Variants in USP13 observed in about 807,000 individuals in gnomAD.
USP13 encodes ubiquitin specific peptidase 13.
A neutral mutation model predicts 107.8 loss-of-function variants in USP13; 68 were observed. That is an observed-to-expected ratio of 0.63 (90% CI 0.52 to 0.77). The LOEUF is 0.77. Ranked by LOEUF, USP13 falls within the 30% of genes least tolerant of loss-of-function variation. USP13 has a pLI of 0.00. For missense variants in USP13, 945 were observed against 1,093.3 expected (o/e 0.86, Z 1.91); for synonymous variants, 377 against 389.5 (o/e 0.97, Z 0.38).
intron 12 of USP13, among the ~76,000 whole-genome samples, chr3:179,743,284 G>C (rs1047773311): frequency 2.6e-5 from 4 of 152,078 alleles, no homozygotes; most frequent in African/African-American, 9.7e-5. Flanking sequence ...GAACTTAGAG[G>C]ACAGGTCAGT....
chr3:179,658,817 T>C (rs892158348), intron 1 of USP13, among the ~76,000 whole-genome samples: 1 of 152,214 alleles, frequency 6.6e-6, no homozygotes, highest in Non-Finnish European at 1.5e-5. Flanking sequence ...CAAGTCTGTA[T>C]TTATAGGCAC....
At chr3:179,692,465 T>G (rs1712147193) in intron 3 of USP13, among the ~76,000 whole-genome samples, 1 of 152,228 alleles carries the variant, frequency 6.6e-6, no homozygotes, top group South Asian at 2.1e-4. Context: ...CAATCTTCCT[T>G]ACTTCTCAAC....
Position 179,653,376 on chromosome 3 carries a change from T to G in USP13, c.151T>G (p.Phe51Val). ...GDRVYKNECA[F>V]SYDSPNSEGG... ...CAGGGTCTACAAGAACGAGTGCGCC[T>G]TCTCCTACGACTCTCCCGTAAGTGA... The change falls in exon 1 of 21, where the codon TTC becomes GTC. Residue 51 changes from phenylalanine to valine, a missense_variant. By Grantham distance (50) the Phe-to-Val change is conservative. Coordinates refer to ENST00000263966, the MANE Select transcript of USP13 (RefSeq NM_003940.3). This position sits in a 1 kb window ranked among gnomAD's most constrained non-coding sequence, Gnocchi z 4.0. The G allele has an allele frequency of 6.4e-7, 1 of 1,565,944 alleles. No homozygotes were observed. Among genetic ancestry groups the G allele is most frequent in the Non-Finnish European group, 8.7e-7 (1 of 1,155,414 alleles).
intron 13 of USP13, among the ~76,000 whole-genome samples, chr3:179,746,562 A>G (rs1456602086): frequency 6.6e-6 from 1 of 152,046 alleles, no homozygotes; most frequent in African/African-American, 2.4e-5. Context: ...CTTCCCGAGT[A>G]GCTGGGATTA....
chr3:179,726,369 A>G (rs1262677012), intron 8 of USP13, among the ~76,000 whole-genome samples: 3 of 152,178 alleles, frequency 2.0e-5, no homozygotes, highest in Non-Finnish European at 4.4e-5. Context: ...GGGCTGGAGA[A>G]AGGGATCTGC....
intron 1 of USP13, among the ~76,000 whole-genome samples, chr3:179,680,293 T>A (rs1368717142): frequency 1.3e-5 from 2 of 152,208 alleles, no homozygotes; most frequent in East Asian, 3.9e-4. Context: ...TCCTTTATTA[T>A]GTACTTATTG....
rs369379853 is a variant in USP13 at position 179,764,873 on chromosome 3, C to T, written c.2259+705C>T. 7.4e-4 allele frequency among the ~76,000 whole-genome samples: 112 copies of T among 152,260 alleles called. 2 individuals carry two copies. The highest frequency in any genetic ancestry group is 2.4e-3 in the African/African-American group (101 of 41,554). On this transcript the variant is annotated intron_variant, in intron 18 of 20. Coordinates refer to ENST00000263966, the MANE Select transcript of USP13 (RefSeq NM_003940.3). Reference sequence around the variant, plus strand: ...TCCTGATGGGGTGCCTGCTAGGATCCGTTGCTGAGGTCACAGTGGCTCTTG... The same window carrying T: ...TCCTGATGGGGTGCCTGCTAGGATCTGTTGCTGAGGTCACAGTGGCTCTTG...
At chr3:179,769,498 C>T (rs1715279925) in intron 19 of USP13, among the ~76,000 whole-genome samples, 1 of 152,144 alleles carries the variant, frequency 6.6e-6, no homozygotes, top group Non-Finnish European at 1.5e-5. Flanking sequence ...GCCTTTGCCT[C>T]CTGGGTTCAA....
At chr3:179,682,689 A>T (rs533307147) in intron 2 of USP13, among the ~76,000 whole-genome samples, 1 of 152,280 alleles carries the variant, frequency 6.6e-6, no homozygotes, top group Admixed American at 6.5e-5. Context: ...TCATCTTATG[A>T]GTACCTTGTA....
intron 1 of USP13, among the ~76,000 whole-genome samples, chr3:179,671,081 C>T (rs760165049): frequency 2.0e-5 from 3 of 152,056 alleles, no homozygotes; most frequent in Middle Eastern, 3.4e-3. Context: ...GTCGAAACCC[C>T]GTCTCTACTA....
rs1377459761 is a variant in USP13 at position 179,728,693 on chromosome 3, T to G, written c.1089-1496T>G. On this transcript the variant is annotated intron_variant, in intron 8 of 20. Coordinates refer to ENST00000263966, the MANE Select transcript of USP13 (RefSeq NM_003940.3). ...CCACTGCACTCCAGCCTGGGCACCA[T>G]TGAGCACTGAGTGAAGGAGACTCCG... 2.6e-5 allele frequency among the ~76,000 whole-genome samples: 4 copies of G among 152,166 alleles called. No individual in the cohort carries two copies. In the South Asian group the frequency reaches 8.3e-4, roughly 32 times the overall value.
intron 1 of USP13, among the ~76,000 whole-genome samples, chr3:179,658,904 A>G (rs898934570): frequency 3.3e-5 from 5 of 152,236 alleles, no homozygotes; most frequent in African/African-American, 1.2e-4. Flanking sequence ...TCCTCAGTGC[A>G]GCTGAGGCTA....
At position 179,775,488 on chromosome 3, in the gene USP13, A is replaced by G. The variant is rs1715496244; in HGVS notation, c.2414-6251A>G. On this transcript the variant is annotated intron_variant, in intron 19 of 20. Coordinates refer to ENST00000263966, the MANE Select transcript of USP13 (RefSeq NM_003940.3). ...GATCCTGTGCCAGGGCCGTGGGTGG[A>G]GCTGCCCGCCAGTTCCGCGCCACGC... 2.0e-5 allele frequency among the ~76,000 whole-genome samples: 3 copies of G among 152,368 alleles called. No homozygotes were observed. In the South Asian group the frequency reaches 6.2e-4, roughly 32 times the overall value.
At chr3:179,683,722 G>T (rs1202873064) in intron 2 of USP13, among the ~76,000 whole-genome samples, 1 of 152,154 alleles carries the variant, frequency 6.6e-6, no homozygotes, top group Non-Finnish European at 1.5e-5. Flanking sequence ...TAATTCCAGA[G>T]GAGATTTGAG....
At chr3:179,657,545 A>G (rs1204398926) in intron 1 of USP13, among the ~76,000 whole-genome samples, 3 of 151,856 alleles carry the variant, frequency 2.0e-5, no homozygotes, top group Non-Finnish European at 4.4e-5. Flanking sequence ...GACAGATCAC[A>G]ACATCAAGAG....
intron 13 of USP13, among the ~76,000 whole-genome samples, chr3:179,749,227 C>A (rs1714513292): frequency 6.6e-6 from 1 of 152,046 alleles, no homozygotes; most frequent in Non-Finnish European, 1.5e-5. Context: ...AGTGAACAAT[C>A]AATATATTTT....
chr3:179,718,471 C>A (rs1276233846), intron 6 of USP13, among the ~76,000 whole-genome samples: 1 of 151,920 alleles, frequency 6.6e-6, no homozygotes, highest in East Asian at 1.9e-4. Flanking sequence ...CCTGATATAC[C>A]TTCATAAATA....
chr3:179,711,341 C>G (rs955670071), intron 6 of USP13, among the ~76,000 whole-genome samples: 1 of 152,054 alleles, frequency 6.6e-6, no homozygotes, highest in African/African-American at 2.4e-5. Context: ...GCCTCAGCCT[C>G]CTGAGTAGCT....
At chr3:179,719,346 A>G (rs1225872942) in intron 6 of USP13, among the ~76,000 whole-genome samples, 1 of 152,080 alleles carries the variant, frequency 6.6e-6, no homozygotes, top group African/African-American at 2.4e-5. Flanking sequence ...GTCTTCACAG[A>G]TCTCTCGCTG....
Sources: allele counts gnomAD v4.1 joint callset (sites outside exome capture counted in the v4.1 genomes callset), GRCh38; gene constraint gnomAD v4.1.1; non-coding constraint Gnocchi (gnomAD v3.1); transcripts MANE v1.5; gene names NCBI Gene and HGNC (gene_info 2026-07-23, HGNC 2026-07-21).